The following EPAS1 variants were observed in gnomAD, a reference collection of about 807,000 sequenced individuals.
EPAS1 encodes the protein endothelial PAS domain protein 1.
Under a neutral mutation model 87.9 loss-of-function variants are expected in EPAS1, and 23 were observed. The observed-to-expected ratio is 0.26, with a 90% CI of 0.19 to 0.37. The LOEUF is 0.37. Among genes scored for constraint, EPAS1 ranks in the 10% least tolerant of loss-of-function variants. EPAS1 has a pLI of 1.00. For synonymous variants in EPAS1, 508 were observed against 444.3 expected (o/e 1.14, Z -1.80); for missense variants, 1,138 against 1,120.7 (o/e 1.02, Z -0.22).
At chr2:46,334,306 G>A (rs539128426) in intron 1 of EPAS1, among the ~76,000 whole-genome samples, 3 of 152,244 alleles carry the variant, frequency 2.0e-5, no homozygotes, top group Middle Eastern at 6.8e-3. Context: ...AAGCCCTTTC[G>A]TGTGCTTGGC....
intron 1 of EPAS1, among the ~76,000 whole-genome samples, chr2:46,325,767 G>A (rs1313502305): frequency 6.6e-6 from 1 of 152,148 alleles, no homozygotes; most frequent in Non-Finnish European, 1.5e-5. Flanking sequence ...TAAAAAATTT[G>A]GCGAAAAACT....
At chr2:46,317,932 T>C (rs1252195967) in intron 1 of EPAS1, among the ~76,000 whole-genome samples, 3 of 152,260 alleles carry the variant, frequency 2.0e-5, no homozygotes, top group Non-Finnish European at 4.4e-5. Context: ...CTTACCTTGC[T>C]CTGCCTTCCT....
In EPAS1 at chr2:46,352,852, C is replaced by G. The variant is rs117237952; in HGVS notation, c.218-3299C>G. Among the ~76,000 whole-genome samples the G allele has an allele frequency of 5.8e-4, 89 of 152,362 alleles. 2 individuals are homozygous for G. The East Asian group carries it at 0.016, about 27-fold the overall frequency. ...CTTCGTGGCCCTAGATTGCCCCTCT[C>G]CCTCCCGGAGGCCAGCTGACCCGAT... is the stretch of plus-strand genomic sequence containing the variant. On this transcript the variant is annotated intron_variant, in intron 2 of 15. Transcript: ENST00000263734.
At chr2:46,362,716 G>T (rs899557632) in intron 6 of EPAS1, among the ~76,000 whole-genome samples, 1 of 152,080 alleles carries the variant, frequency 6.6e-6, no homozygotes. Flanking sequence ...TTGGTTGGTC[G>T]CCCCTTCTTA....
At chr2:46,350,496 T>C (rs1684125961) in intron 2 of EPAS1, among the ~76,000 whole-genome samples, 3 of 152,328 alleles carry the variant, frequency 2.0e-5, no homozygotes, top group South Asian at 4.1e-4. Flanking sequence ...GGGCTGCCGA[T>C]TGAGATTCGT....
intron 1 of EPAS1, among the ~76,000 whole-genome samples, chr2:46,321,844 A>G (rs1489428628): frequency 2.0e-5 from 3 of 152,126 alleles, no homozygotes; most frequent in Non-Finnish European, 4.4e-5. Context: ...TATTATATAT[A>G]ATAACTGGCA....
At chr2:46,356,064 C>G in intron 2 of EPAS1, 87 bp from the exon 3 acceptor site, 2 of 1,440,640 alleles carry the variant, frequency 1.4e-6, no homozygotes, top group East Asian at 2.3e-5. Context: ...TGCCTTTGCA[C>G]CATCCCTGGC....
intron 6 of EPAS1, among the ~76,000 whole-genome samples, chr2:46,363,448 G>A (rs1314560895): frequency 2.6e-5 from 4 of 152,202 alleles, no homozygotes; most frequent in African/African-American, 9.7e-5. Flanking sequence ...GTTACAGTGA[G>A]AAGAAATCCT....
intron 2 of EPAS1, among the ~76,000 whole-genome samples, chr2:46,353,213 C>T (rs1412424227): frequency 6.6e-6 from 1 of 152,206 alleles, no homozygotes; most frequent in African/African-American, 2.4e-5. Context: ...TAAGTCACCA[C>T]CTGCCAGCAC....
At position 46,378,062 on chromosome 2, in the gene EPAS1, C is replaced by CCAG. The variant is rs747939755; in HGVS notation, c.1432_1434dup (p.Ser478dup). On this transcript the variant is annotated inframe_insertion, in exon 10 of 16. Coordinates refer to ENST00000263734, the MANE Select transcript of EPAS1 (RefSeq NM_001430.5). ...CCGGGCAGCACCACCCCCAGTGCCA[C>CCAG]CAGCAGCAGCAGCAGCTGCTCCACG... 3.1e-6 allele frequency: 5 copies of CCAG among 1,605,940 alleles called. No individual in the cohort carries two copies. The East Asian group carries it at 6.7e-5, about 22-fold the overall frequency.
At chr2:46,324,612 T>C (rs1407611879) in intron 1 of EPAS1, among the ~76,000 whole-genome samples, 1 of 152,222 alleles carries the variant, frequency 6.6e-6, no homozygotes, top group Non-Finnish European at 1.5e-5. Context: ...ATATGCCCTA[T>C]AGACTGGGGC....
intron 7 of EPAS1, among the ~76,000 whole-genome samples, chr2:46,372,329 G>C (rs1684643553): frequency 6.6e-6 from 1 of 152,276 alleles, no homozygotes; most frequent in Admixed American, 6.5e-5. Context: ...TCGTCCTTGA[G>C]GTTTTGCAAG....
intron 11 of EPAS1, among the ~76,000 whole-genome samples, chr2:46,379,180 T>A (rs939722084): frequency 1.1e-4 from 16 of 152,246 alleles, no homozygotes; most frequent in Non-Finnish European, 1.9e-4. Flanking sequence ...TGAAATGCAC[T>A]TTAAAATAAA....
intron 11 of EPAS1, among the ~76,000 whole-genome samples, chr2:46,379,366 CA>C (rs1684829755): frequency 6.6e-6 from 1 of 152,054 alleles, no homozygotes; most frequent in African/African-American, 2.4e-5. Context: ...GTCTTGAGTT[CA>C]ACCAGATTTC....
intron 1 of EPAS1, among the ~76,000 whole-genome samples, chr2:46,334,995 T>C (rs1312175042): frequency 2.0e-5 from 3 of 152,272 alleles, no homozygotes; most frequent in Non-Finnish European, 4.4e-5. Flanking sequence ...TCAGGATTCT[T>C]TATAAAGGAA....
At chr2:46,326,656 C>T (rs961160378) in intron 1 of EPAS1, among the ~76,000 whole-genome samples, 15 of 152,228 alleles carry the variant, frequency 9.9e-5, no homozygotes, top group African/African-American at 3.6e-4. Context: ...ATTCACTAAG[C>T]ACCCACTGTA....
intron 12 of EPAS1, chr2:46,381,131 C>T (rs1227298484): frequency 8.6e-6 from 3 of 350,490 alleles, no homozygotes; most frequent in African/African-American, 4.2e-5. Flanking sequence ...GCAGCCTCTC[C>T]CAGCTGTGCC....
chr2:46,359,257 CAAA>C (rs57351888), intron 4 of EPAS1, among the ~76,000 whole-genome samples: 24 of 25,092 alleles, frequency 9.6e-4, no homozygotes, highest in South Asian at 4.6e-3. Context: ...GATTCTGTCT[CAAA>C]AAAAAAAAAA....
chr2:46,380,807 C>A lies in EPAS1; in HGVS notation c.2045+90C>A. The stretch of plus-strand genomic sequence containing the variant: ...CTGGACCCCCAGGGAGGCCCCTGCC[C>A]CTCTCCCCAGCCATCTGATACCCCA... On this transcript the variant is annotated intron_variant, in intron 12 of 15. Transcript: ENST00000263734. This position sits in a 1 kb window ranked among gnomAD's most constrained non-coding sequence, Gnocchi z 4.4. 1 of 1,591,802 alleles carries A rather than the reference C, an allele frequency of 6.3e-7. No homozygotes were observed. The highest frequency in any genetic ancestry group is 8.5e-7 in the Non-Finnish European group (1 of 1,175,524).
Sources: gnomAD v4.1 joint callset for allele counts (sites outside exome capture counted in the v4.1 genomes callset) on GRCh38, gnomAD v4.1.1 for gene constraint, Gnocchi (gnomAD v3.1) non-coding constraint, MANE v1.5 for transcripts, NCBI Gene and HGNC (gene_info 2026-07-23, HGNC 2026-07-21) for gene names.